Variants in GNA14 observed in about 807,000 individuals in gnomAD.
GNA14 encodes guanine nucleotide-binding protein subunit alpha-14.
A neutral mutation model predicts 42.0 loss-of-function variants in GNA14; 50 were observed. The observed-to-expected ratio is 1.19, with a 90% CI of 0.95 to 1.51. The LOEUF (loss-of-function observed/expected upper bound fraction) is 1.51, where lower values mean the gene tolerates loss of function less well. Ranked by LOEUF, GNA14 falls within the 40% of genes most tolerant of loss-of-function variation. GNA14 has a pLI of 0.00. For missense variants in GNA14, 473 were observed against 446.2 expected (o/e 1.06, Z -0.54); for synonymous variants, 173 against 163.1 (o/e 1.06, Z -0.46).
chr9:77,574,970 A>C (rs1823107035), intron 1 of GNA14, among the ~76,000 whole-genome samples: 1 of 152,230 alleles, frequency 6.6e-6, no homozygotes, highest in Non-Finnish European at 1.5e-5. Context: ...GTAGAAGAGT[A>C]AATCAGCCAG....
chr9:77,490,605 C>G (rs1487541316), intron 2 of GNA14, among the ~76,000 whole-genome samples: 1 of 152,228 alleles, frequency 6.6e-6, no homozygotes, highest in African/African-American at 2.4e-5. Flanking sequence ...CCCAGTACAC[C>G]CTCCGCAGCC....
At chr9:77,504,660 CTTTTTTTTTTTT>C (rs34631344) in intron 2 of GNA14, among the ~76,000 whole-genome samples, 1 of 76,202 alleles carries the variant, frequency 1.3e-5, no homozygotes, top group Admixed American at 1.8e-4. Flanking sequence ...GTCTGGCCGA[CTTTTTTTTTTTT>C]TTTTTTTTTT....
chr9:77,433,843 GC>G (rs1323837623), intron 3 of GNA14, among the ~76,000 whole-genome samples: 2 of 152,190 alleles, frequency 1.3e-5, no homozygotes, highest in African/African-American at 2.4e-5. Context: ...TGCTGCGAGC[GC>G]AGCCTCCTAT....
intron 1 of GNA14, among the ~76,000 whole-genome samples, chr9:77,559,002 T>G (rs1373374784): frequency 6.6e-6 from 1 of 152,086 alleles, no homozygotes. Context: ...GCTAAATATT[T>G]AGGTCTTCTC....
intron 1 of GNA14, among the ~76,000 whole-genome samples, chr9:77,574,512 T>C (rs1002124320): frequency 3.2e-4 from 48 of 152,332 alleles, no homozygotes; most frequent in African/African-American, 1.1e-3. Flanking sequence ...ATATATTACA[T>C]ATACTGTTTC....
At chr9:77,433,992 G>C (rs992064279) in intron 3 of GNA14, among the ~76,000 whole-genome samples, 1 of 152,216 alleles carries the variant, frequency 6.6e-6, no homozygotes, top group African/African-American at 2.4e-5. Context: ...GGGATATAGA[G>C]AGGAGGAAAG....
Position 77,492,045 on chromosome 9 carries a change from G to A in GNA14, c.309+37024C>T, listed in dbSNP as rs7031101. Among the ~76,000 whole-genome samples, 853 of 152,146 alleles carry A rather than the reference G, an allele frequency of 5.6e-3. 8 individuals carry two copies. Among genetic ancestry groups the A allele is most frequent in the African/African-American group, 0.019 (805 of 41,500 alleles). ...CAAATATTTGGATATTAAACAATAC[G>A]CTCCTGAATGACCAATGGGTCAATG... On this transcript the variant is annotated intron_variant, in intron 2 of 6. Coordinates refer to ENST00000341700, the MANE Select transcript of GNA14 (RefSeq NM_004297.4).
chr9:77,613,825 T>G (rs1320579334), intron 1 of GNA14, among the ~76,000 whole-genome samples: 1 of 152,180 alleles, frequency 6.6e-6, no homozygotes, highest in African/African-American at 2.4e-5. Flanking sequence ...ACTAAGTGGC[T>G]CCCACTACTT....
At chr9:77,563,426 G>A (rs1255610247) in intron 1 of GNA14, among the ~76,000 whole-genome samples, 1 of 152,142 alleles carries the variant, frequency 6.6e-6, no homozygotes, top group East Asian at 1.9e-4. Context: ...GATAATGGCT[G>A]TAAGTCTTGC....
intron 1 of GNA14, among the ~76,000 whole-genome samples, chr9:77,634,619 A>C (rs1377310770): frequency 1.3e-5 from 2 of 152,086 alleles, no homozygotes; most frequent in Non-Finnish European, 2.9e-5. Flanking sequence ...TCATATCCTT[A>C]TACCACTTAT....
At chr9:77,432,310 C>T (rs980409002) in intron 3 of GNA14, among the ~76,000 whole-genome samples, 1 of 152,174 alleles carries the variant, frequency 6.6e-6, no homozygotes, top group Non-Finnish European at 1.5e-5. Flanking sequence ...ACCCTGTTCA[C>T]CGTATGCCTT....
At chr9:77,625,323 T>C (rs1823996465) in intron 1 of GNA14, among the ~76,000 whole-genome samples, 1 of 152,100 alleles carries the variant, frequency 6.6e-6, no homozygotes, top group South Asian at 2.1e-4. Context: ...GAAAACAGTC[T>C]TCAGGATATT....
intron 1 of GNA14, among the ~76,000 whole-genome samples, chr9:77,609,380 G>T (rs1823693840): frequency 6.6e-6 from 1 of 152,124 alleles, no homozygotes. Flanking sequence ...CTACAAAGAT[G>T]GTGGTTTTCT....
intron 4 of GNA14, among the ~76,000 whole-genome samples, chr9:77,431,024 TTGTGTGTGTGTG>T (rs10631280): frequency 1.5e-4 from 15 of 101,524 alleles, no homozygotes; most frequent in South Asian, 2.8e-4. Flanking sequence ...AAGTATACAT[TTGTGTGTGTGTG>T]TGTGTGTGTG....
rs1206283024 is a variant in GNA14, at chr9:77,494,104, G to T, written c.309+34965C>A. Among the ~76,000 whole-genome samples, 4 of 151,910 alleles carry T rather than the reference G, an allele frequency of 2.6e-5. 1 individual carries two copies. Among genetic ancestry groups the T allele is most frequent in the Admixed American group, 2.6e-4 (4 of 15,238 alleles). On this transcript the variant is annotated intron_variant, in intron 2 of 6. Transcript: ENST00000341700. ...CCCGGCTAATTTTTTTTAATCTTTA[G>T]TAGAGACGGGGTTTCACCACGTTGC...
intron 2 of GNA14, among the ~76,000 whole-genome samples, chr9:77,462,523 G>T (rs1836125850): frequency 6.6e-6 from 1 of 152,164 alleles, no homozygotes; most frequent in Non-Finnish European, 1.5e-5. Flanking sequence ...TTCAAGACCA[G>T]CCTGGCCAAA....
intron 2 of GNA14, among the ~76,000 whole-genome samples, chr9:77,468,025 G>C (rs1299509272): frequency 6.6e-6 from 1 of 152,172 alleles, no homozygotes; most frequent in Non-Finnish European, 1.5e-5. Context: ...GCCTAAAATA[G>C]CACTTCCACA....
At chr9:77,614,771 G>C (rs1378017948) in intron 1 of GNA14, among the ~76,000 whole-genome samples, 2 of 151,972 alleles carry the variant, frequency 1.3e-5, no homozygotes, top group Non-Finnish European at 2.9e-5. Flanking sequence ...GATCAACTTG[G>C]CTTCCCTCAG....
intron 2 of GNA14, among the ~76,000 whole-genome samples, chr9:77,500,567 C>A (rs561963523): frequency 7.9e-5 from 12 of 152,278 alleles, no homozygotes; most frequent in Admixed American, 4.6e-4. Flanking sequence ...CAGAATCCTT[C>A]ATGTTGCTCT....
Sources: gnomAD v4.1 joint callset for allele counts (sites outside exome capture counted in the v4.1 genomes callset) on GRCh38, gnomAD v4.1.1 for gene constraint, MANE v1.5 for transcripts, NCBI Gene and HGNC (gene_info 2026-07-23, HGNC 2026-07-21) for gene names.